The following PHF20L1 variants were observed in gnomAD, a reference collection of about 807,000 sequenced individuals.
PHF20L1 encodes the protein PHD finger protein 20 like 1, also known as PHD finger protein 20-like protein 1.
PHF20L1 carries 44 observed loss-of-function variants against 125.5 expected under a neutral mutation model. The observed-to-expected ratio is 0.35, with a 90% CI of 0.28 to 0.45. PHF20L1 has a LOEUF of 0.45. Among genes scored for constraint, PHF20L1 ranks in the 20% least tolerant of loss-of-function variants. The pLI, the probability that PHF20L1 is intolerant of heterozygous loss-of-function variation, is 1.00. For synonymous variants in PHF20L1, 380 were observed against 403.1 expected (o/e 0.94, Z 0.69); for missense variants, 1,012 against 1,217.2 (o/e 0.83, Z 2.51).
chr8:132,787,428 GCTCATGCCAGAT>G (rs1266792138), intron 2 of PHF20L1, among the ~76,000 whole-genome samples: 1 of 152,072 alleles, frequency 6.6e-6, no homozygotes, highest in African/African-American at 2.4e-5. Flanking sequence ...TGAACTGTCA[GCTCATGCCAGAT>G]GTGTATTATG....
intron 10 of PHF20L1, 91 bp downstream of exon 10, chr8:132,814,980 G>T (rs1834791414): frequency 9.3e-7 from 1 of 1,076,138 alleles, no homozygotes; most frequent in Admixed American, 2.6e-5. Context: ...TTATGAAGTT[G>T]CTTTTTAAAA....
rs373470566 is a variant in PHF20L1, at chr8:132,777,803, A to G, written c.-26A>G. The G allele has an allele frequency of 6.6e-7, 1 of 1,508,210 alleles. No individual in the cohort carries two copies. The highest frequency in any genetic ancestry group is 9.2e-7 in the Non-Finnish European group (1 of 1,085,350). 93.4% of individuals were successfully genotyped at this position (1,508,210 alleles called of 1,614,324 possible). A position where few individuals can be genotyped will look rare whatever the true frequency, so the allele number is the denominator to read the frequency against. ...TTCTTTCTCTTGAGGTAGTGAAAAG[A>G]GAATACTGAAGAATAGGATCTCAAG... On this transcript the variant is annotated 5_prime_UTR_variant, in exon 2 of 21. Coordinates refer to ENST00000395386, the MANE Select transcript of PHF20L1 (RefSeq NM_016018.5).
At chr8:132,795,886 C>G (rs2131470003) in intron 4 of PHF20L1, among the ~76,000 whole-genome samples, 1 of 152,220 alleles carries the variant, frequency 6.6e-6, no homozygotes, top group Non-Finnish European at 1.5e-5. Flanking sequence ...TGTGGTCTCT[C>G]TCTTCCTTCC....
rs1389620253 is a variant in PHF20L1 at position 132,847,781 on chromosome 8, AT to A, written c.*1859del. 1 of 152,728 alleles carries A rather than the reference AT, an allele frequency of 6.5e-6. No individual in the cohort carries two copies. The highest frequency in any genetic ancestry group is 1.9e-4 in the East Asian group (1 of 5,188). The allele number at this position is 152,728 out of a possible 1,614,324, so 9.5% of individuals were successfully genotyped here. A position where few individuals can be genotyped will look rare whatever the true frequency, so the allele number is the denominator to read the frequency against. On this transcript the variant is annotated 3_prime_UTR_variant, in exon 21 of 21. Coordinates refer to ENST00000395386, the MANE Select transcript of PHF20L1 (RefSeq NM_016018.5). ...ACTTTGTGAAAGATCTTACTGATAA[AT>A]GAAAAGCTTTAGCAGAGGTGGTATT...
intron 15 of PHF20L1, 22 bp from the exon 16 acceptor site, chr8:132,836,518 A>G (rs749891077): frequency 2.0e-6 from 3 of 1,479,132 alleles, no homozygotes; most frequent in East Asian, 4.5e-5. Context: ...TGTTCTAAGT[A>G]TACTTTTTGT....
In PHF20L1 at chr8:132,836,652, G is replaced by A. The variant is rs1246845366; in HGVS notation, c.2022G>A (p.Glu674=). 3.1e-6 allele frequency: 5 copies of A among 1,613,066 alleles called. No individual in the cohort carries two copies. The highest frequency in any genetic ancestry group is 4.5e-5 in the East Asian group (2 of 44,838). Reference sequence around the variant, plus strand: ...CCAATTTTGAGGAATCTCAGGATGAGGATGATGCTCTTAATGAAATTGTGC... The same window carrying A: ...CCAATTTTGAGGAATCTCAGGATGAAGATGATGCTCTTAATGAAATTGTGC... The part of the protein sequence containing the change: ...DSTNFEESQD[E]DDALNEIVRC... Residue 674 remains glutamate, a synonymous_variant, in exon 16 of 21, where the codon GAG becomes GAA. Transcript: ENST00000395386.
chr8:132,787,260 TGGG>T (rs1007196911), intron 2 of PHF20L1, among the ~76,000 whole-genome samples: 3 of 150,236 alleles, frequency 2.0e-5, no homozygotes, highest in Non-Finnish European at 3.0e-5. Context: ...ATTCAGGTGC[TGGG>T]GGGGTGGGAG....
At chr8:132,797,464 G>T (rs1265177109) in intron 4 of PHF20L1, among the ~76,000 whole-genome samples, 1 of 151,972 alleles carries the variant, frequency 6.6e-6, no homozygotes, top group Non-Finnish European at 1.5e-5. Flanking sequence ...TCACAACAGA[G>T]GAAATAGCAT....
At chr8:132,822,078 C>G (rs1163118985) in intron 12 of PHF20L1, among the ~76,000 whole-genome samples, 2 of 151,834 alleles carry the variant, frequency 1.3e-5, no homozygotes, top group Admixed American at 6.6e-5. Context: ...TTTTAATATC[C>G]TTACTTGAGT....
Position 132,794,749 on chromosome 8 carries a change from A to ATCT in PHF20L1, c.272_273insTCT (p.Glu91delinsAspLeu). 6.2e-7 allele frequency: 1 copy of ATCT among 1,612,420 alleles called. No individual in the cohort carries two copies. The highest frequency in any genetic ancestry group is 1.7e-5 in the Admixed American group (1 of 59,918). ...TTAAAATAGGATTTTAAAGCTGGAG[A>ATCT]AGAAGTTCTGGCTCGTTGGACAGAC... On this transcript the variant is annotated protein_altering_variant, in exon 4 of 21. Coordinates refer to ENST00000395386, the MANE Select transcript of PHF20L1 (RefSeq NM_016018.5).
intron 19 of PHF20L1, chr8:132,843,806 A>G: frequency 2.0e-6 from 2 of 985,162 alleles, no homozygotes; most frequent in Admixed American, 6.2e-5. Flanking sequence ...TCTTATGTCC[A>G]CTTATATCAC....
intron 18 of PHF20L1, among the ~76,000 whole-genome samples, chr8:132,840,717 G>C (rs1223834404): frequency 6.6e-6 from 1 of 152,022 alleles, no homozygotes; most frequent in Non-Finnish European, 1.5e-5. Flanking sequence ...TACCACTAGT[G>C]CCCCTAGCAG....
chr8:132,837,987 AC>A, intron 17 of PHF20L1, 176 bp downstream of exon 17: 1 of 557,786 alleles, frequency 1.8e-6, no homozygotes, highest in South Asian at 1.9e-5. Flanking sequence ...TAGGAACTTA[AC>A]TTGTATGTAT....
rs1206969187 is a variant in PHF20L1, at chr8:132,824,076, A to T, written c.1636+16A>T. The T allele has an allele frequency of 2.6e-6, 4 of 1,532,948 alleles. No homozygotes were observed. In the East Asian group the frequency reaches 6.8e-5, roughly 26 times the overall value. 95.0% of individuals were successfully genotyped at this position (1,532,948 alleles called of 1,614,324 possible). ...ACAGCATTTGGTATGAACAGAAAGT[A>T]ATCTTTAAGCAAAAGACTATAAAGC... is the stretch of plus-strand genomic sequence containing the variant. On this transcript the variant is annotated intron_variant, in intron 13 of 20. Coordinates refer to ENST00000395386, the MANE Select transcript of PHF20L1 (RefSeq NM_016018.5).
rs766502949 is a variant in PHF20L1 at position 132,799,092 on chromosome 8, C to T, written c.430-3C>T. On this transcript the variant is annotated splice_region_variant and splice_polypyrimidine_tract_variant and intron_variant, in intron 5 of 20. Transcript: ENST00000395386. ...AGTTATAGGTCACTAGTTTCTGTTC[C>T]AGGTGAAATCCCAGCATCCACTAAG... The T allele has an allele frequency of 1.9e-5, 31 of 1,607,774 alleles. No individual in the cohort carries two copies. In the South Asian group the frequency reaches 2.3e-4, roughly 12 times the overall value.
chr8:132,832,296 T>C lies in PHF20L1; in HGVS notation c.1806T>C (p.Thr602=). 1 of 1,609,120 alleles carries C rather than the reference T, an allele frequency of 6.2e-7. No homozygotes were observed. The highest frequency in any genetic ancestry group is 8.5e-7 in the Non-Finnish European group (1 of 1,175,796). The part of the protein sequence containing the change: ...EFLERCSSPL[T]RSSGSSLASR... Reference sequence around the variant, plus strand: ...TGGAAAGGTGCTCTTCTCCACTAACTCGATCTTCTGGGAGTTCTCTGGCTT... The same window carrying C: ...TGGAAAGGTGCTCTTCTCCACTAACCCGATCTTCTGGGAGTTCTCTGGCTT... Residue 602 remains threonine (T), a synonymous_variant, in exon 15 of 21, where the codon ACT becomes ACC. Coordinates refer to ENST00000395386, the MANE Select transcript of PHF20L1 (RefSeq NM_016018.5).
Position 132,844,323 on chromosome 8 carries a change from T to C in PHF20L1, c.2911+5T>C. 1.9e-6 allele frequency: 3 copies of C among 1,596,916 alleles called. No individual in the cohort carries two copies. Among genetic ancestry groups the C allele is most frequent in the Non-Finnish European group, 1.7e-6 (2 of 1,170,904 alleles). On this transcript the variant is annotated splice_donor_5th_base_variant and intron_variant, in intron 20 of 20. Transcript: ENST00000395386. ...TAATAGAAAAAGAAGTCGATGGTAATTTAAGAAAGAACTAAAATACAGTTA... is the reference window on the plus strand; with the variant it reads ...TAATAGAAAAAGAAGTCGATGGTAACTTAAGAAAGAACTAAAATACAGTTA...
At chr8:132,826,422 G>C (rs1261037996) in intron 14 of PHF20L1, 1 of 152,092 alleles carries the variant, frequency 6.6e-6, no homozygotes, top group African/African-American at 2.4e-5. Context: ...CTCACACGGT[G>C]CATCAAATAT....
intron 14 of PHF20L1, among the ~76,000 whole-genome samples, chr8:132,828,443 C>T (rs1299964785): frequency 6.6e-6 from 1 of 151,990 alleles, no homozygotes; most frequent in African/African-American, 2.4e-5. Flanking sequence ...TAACTCTAAT[C>T]ACCATGCTAT....
Sources: gnomAD v4.1 joint callset for allele counts (sites outside exome capture counted in the v4.1 genomes callset) on GRCh38, gnomAD v4.1.1 for gene constraint, MANE v1.5 for transcripts, NCBI Gene and HGNC (gene_info 2026-07-23, HGNC 2026-07-21) for gene names.